The following SCN4B variants were observed in gnomAD, a reference collection of about 807,000 sequenced individuals.
SCN4B encodes the protein sodium channel regulatory subunit beta-4.
Under a neutral mutation model 19.6 loss-of-function variants are expected in SCN4B, and 20 were observed. The observed-to-expected ratio is 1.02, with a 90% CI of 0.72 to 1.48. The LOEUF is 1.48. Among genes scored for constraint, SCN4B ranks in the 40% most tolerant of loss-of-function variants. SCN4B has a pLI of 0.00. For synonymous variants in SCN4B, 127 were observed against 122.8 expected (o/e 1.03, Z -0.22); for missense variants, 271 against 287.5 (o/e 0.94, Z 0.42).
chr11:118,145,422 C>CGGAA (rs1565456849), intron 1 of SCN4B, 193 bp from the exon 2 acceptor site: 1 of 1,511,752 alleles, frequency 6.6e-7, no homozygotes. Flanking sequence ...CATTTCTCCC[C>CGGAA]TGGAAAGGAC....
In SCN4B at chr11:118,141,216, C is replaced by G. The variant is rs755915465; in HGVS notation, c.584G>C (p.Arg195Pro). 1 of 1,612,826 alleles carries G rather than the reference C, an allele frequency of 6.2e-7. No individual in the cohort carries two copies. The highest frequency in any genetic ancestry group is 8.5e-7 in the Non-Finnish European group (1 of 1,179,968). ...CTCCAGATCAACTCACTTCTTCTCC[C>G]GAGTCTTCTTCAGGATGAAGATGAT... ...KLIIFILKKT[R>P]EKKKECLVSS... is the part of the protein sequence containing the mutation. Residue 195 changes from arginine (R) to proline (P), a missense_variant, in exon 4 of 5, where the codon CGG becomes CCG. Coordinates refer to ENST00000324727, the MANE Select transcript of SCN4B (RefSeq NM_174934.4).
intron 4 of SCN4B, among the ~76,000 whole-genome samples, chr11:118,140,844 C>T (rs1948086295): frequency 6.6e-6 from 1 of 152,134 alleles, no homozygotes. Flanking sequence ...TGGAATCTTA[C>T]ATTTTCACTG....
rs1356849478 is a variant in SCN4B at position 118,135,939 on chromosome 11, C to G, written c.*1088G>C. ...AGCAGCTGGGAAACCCAAGGACCCC[C>G]TCATCCAAAGGAAGAGAGTCCCTGA... On this transcript the variant is annotated 3_prime_UTR_variant, in exon 5 of 5. Coordinates refer to ENST00000324727, the MANE Select transcript of SCN4B (RefSeq NM_174934.4). 5 of 454,220 alleles carry G rather than the reference C, an allele frequency of 1.1e-5. No homozygotes were observed. The highest frequency in any genetic ancestry group is 7.8e-5 in the South Asian group (5 of 64,470). 28.1% of individuals were successfully genotyped at this position (454,220 alleles called of 1,614,324 possible).
intron 3 of SCN4B, 45 bp downstream of exon 3, chr11:118,143,788 A>G: frequency 6.8e-7 from 1 of 1,462,522 alleles, no homozygotes; most frequent in African/African-American, 1.4e-5. Flanking sequence ...GGTGCCTCCC[A>G]AGTCCTTCCC....
At chr11:118,140,079 C>T (rs1391765542) in intron 4 of SCN4B, among the ~76,000 whole-genome samples, 1 of 151,952 alleles carries the variant, frequency 6.6e-6, no homozygotes, top group Non-Finnish European at 1.5e-5. Flanking sequence ...GAAGGACCAC[C>T]GTTGTCTTTT....
chr11:118,152,487 G>A, intron 1 of SCN4B, 126 bp downstream of exon 1: 1 of 779,240 alleles, frequency 1.3e-6, no homozygotes, highest in Non-Finnish European at 2.2e-6. Flanking sequence ...GGAAGCCGGC[G>A]GCCACCATCC....
In SCN4B at chr11:118,141,230, G is replaced by T. The variant is rs1948093663; in HGVS notation, c.570C>A (p.Ile190=). 1 of 1,612,806 alleles carries T rather than the reference G, an allele frequency of 6.2e-7. No individual in the cohort carries two copies. Among genetic ancestry groups the T allele is most frequent in the Non-Finnish European group, 8.5e-7 (1 of 1,179,982 alleles). ...ILLIKKLIIF[I]LKKTREKKKE... ...ACTTCTTCTCCCGAGTCTTCTTCAG[G>T]ATGAAGATGATGAGTTTCTTGATCA... The change falls in exon 4 of 5, where the codon ATC becomes ATA. Residue 190 remains isoleucine (I), a synonymous_variant. Coordinates refer to ENST00000324727, the MANE Select transcript of SCN4B (RefSeq NM_174934.4).
rs1292979605 is a variant in SCN4B at position 118,135,180 on chromosome 11, A to AG, written c.*1846dup. The AG allele has an allele frequency of 6.6e-6, 3 of 454,002 alleles. No individual in the cohort carries two copies. The highest frequency in any genetic ancestry group is 1.3e-5 in the Non-Finnish European group (3 of 226,800). The allele number at this position is 454,002 out of a possible 1,614,324, so 28.1% of individuals were successfully genotyped here. ...GAAAATCTGAGCCCCAGCCCATGACAGGTTCTGGGTAGAGAAGAATGGGAG... is the reference window on the plus strand; with the variant it reads ...GAAAATCTGAGCCCCAGCCCATGACAGGGTTCTGGGTAGAGAAGAATGGGAG... On this transcript the variant is annotated 3_prime_UTR_variant, in exon 5 of 5. Transcript: ENST00000324727.
In SCN4B at chr11:118,145,228, G is replaced by A. The variant is rs1299336848; in HGVS notation, c.63C>T (p.Gly21=). 6.2e-7 allele frequency: 1 copy of A among 1,613,940 alleles called. No homozygotes were observed. Among genetic ancestry groups the A allele is most frequent in the African/African-American group, 1.3e-5 (1 of 74,902 alleles). The change falls in exon 2 of 5, where the codon GGC becomes GGT. Residue 21 remains glycine, a splice_region_variant and synonymous_variant. Transcript: ENST00000324727. ...PARWLGTGLL[G]LFLLPVTLSL... Reference sequence around the variant, plus strand: ...ACAGGGTTACGGGGAGCAGGAAGAGGCCTGTGTAAGGAGCACCGCCTCCCT... The same window carrying A: ...ACAGGGTTACGGGGAGCAGGAAGAGACCTGTGTAAGGAGCACCGCCTCCCT...
chr11:118,141,104 A>AT (rs1948090651), intron 4 of SCN4B, 103 bp downstream of exon 4: 1 of 1,279,708 alleles, frequency 7.8e-7, no homozygotes, highest in Admixed American at 1.7e-5. Context: ...AGGAATGGGA[A>AT]TGGGGGGAAG....
At chr11:118,146,173 T>G (rs1057198476) in intron 1 of SCN4B, among the ~76,000 whole-genome samples, 6 of 152,076 alleles carry the variant, frequency 3.9e-5, no homozygotes, top group Non-Finnish European at 8.8e-5. Flanking sequence ...CCCCCAGGCT[T>G]CTTTCTCACG....
chr11:118,152,450 G>A (rs539968835), intron 1 of SCN4B, among the ~76,000 whole-genome samples, 163 bp downstream of exon 1: 1 of 152,308 alleles, frequency 6.6e-6, no homozygotes, highest in African/African-American at 2.4e-5. Flanking sequence ...AGGGAGCACA[G>A]CCTATGAACC....
chr11:118,147,060 T>A (rs571458392), intron 1 of SCN4B, among the ~76,000 whole-genome samples: 1 of 152,388 alleles, frequency 6.6e-6, no homozygotes, highest in African/African-American at 2.4e-5. Context: ...CCTGGAGTTC[T>A]GATTCAGGTC....
At position 118,136,047 on chromosome 11, in the gene SCN4B, G is replaced by A. The variant is rs1261921919; in HGVS notation, c.*980C>T. On this transcript the variant is annotated 3_prime_UTR_variant, in exon 5 of 5. Transcript: ENST00000324727. ...TGATGGAGGGCACGGTGGGGGGGGG[G>A]GAGCGAGCCAATGGGAGGTTGGAGG... The A allele has an allele frequency of 2.3e-6, 1 of 434,640 alleles. No homozygotes were observed. Among genetic ancestry groups the A allele is most frequent in the South Asian group, 1.6e-5 (1 of 61,798 alleles). The allele number at this position is 434,640 out of a possible 1,614,324, so 26.9% of individuals were successfully genotyped here. A position where few individuals can be genotyped will look rare whatever the true frequency, so the allele number is the denominator to read the frequency against.
intron 3 of SCN4B, among the ~76,000 whole-genome samples, chr11:118,142,505 A>C (rs1214537308): frequency 1.3e-5 from 2 of 151,260 alleles, no homozygotes; most frequent in Non-Finnish European, 2.9e-5. Context: ...AACACTAGCC[A>C]TGTTCTCTTT....
intron 1 of SCN4B, among the ~76,000 whole-genome samples, chr11:118,150,737 C>T (rs1948226118): frequency 6.6e-6 from 1 of 152,204 alleles, no homozygotes; most frequent in South Asian, 2.1e-4. Flanking sequence ...CTCCAGTTGG[C>T]TGTCCAGTCG....
intron 1 of SCN4B, chr11:118,145,517 C>T (rs1267549970): frequency 3.1e-6 from 4 of 1,303,292 alleles, no homozygotes; most frequent in Non-Finnish European, 4.0e-6. Flanking sequence ...AAGGCCTGGC[C>T]ACTGCCGCGA....
intron 1 of SCN4B, 46 bp downstream of exon 1, chr11:118,152,567 G>C (rs745471946): frequency 2.7e-6 from 4 of 1,506,072 alleles, no homozygotes; most frequent in South Asian, 2.3e-5. Flanking sequence ...CCCTTCTTTG[G>C]GGGTGGGGGG....
chr11:118,144,988 A>G, intron 2 of SCN4B, 69 bp downstream of exon 2: 1 of 1,493,752 alleles, frequency 6.7e-7, no homozygotes, highest in Non-Finnish European at 9.3e-7. Flanking sequence ...TCCAGAAGGG[A>G]CCAGAGCGTA....
Sources: gnomAD v4.1 joint callset for allele counts (sites outside exome capture counted in the v4.1 genomes callset) on GRCh38, gnomAD v4.1.1 for gene constraint, MANE v1.5 for transcripts, NCBI Gene and HGNC (gene_info 2026-07-23, HGNC 2026-07-21) for gene names.